The following LELP1 variants were observed in gnomAD, a reference collection of about 807,000 sequenced individuals.
LELP1 encodes late cornified envelope like proline rich 1, also known as late cornified envelope-like proline-rich protein 1.
A neutral mutation model predicts 0.3 loss-of-function variants in LELP1; 1 was observed. The observed-to-expected ratio is 2.87, with a 90% CI of 1.02 to 13.63. The LOEUF (loss-of-function observed/expected upper bound fraction) is 13.63. LELP1 is among the 30% of genes most tolerant of loss of function. The pLI is 0.12. For missense variants in LELP1, 122 were observed against 118.7 expected, an observed-to-expected ratio of 1.03 and a Z score of -0.13; for synonymous variants, 57 against 45.9, an observed-to-expected ratio of 1.24 and a Z score of -0.97.
In LELP1 at chr1:153,204,940, G is replaced by T; in HGVS notation, c.233G>T (p.Cys78Phe). Reference sequence around the variant, plus strand: ...CCTCCCCAGCCCTGCACCAAGCCCTGTCCTCCTAAATGCCCTTCATCCTGC... The same window carrying T: ...CCTCCCCAGCCCTGCACCAAGCCCTTTCCTCCTAAATGCCCTTCATCCTGC... ...SCPPQPCTKP[C>F]PPKCPSSCPH... The change falls in exon 2 of 2, where the codon TGT (cysteine) becomes TTT (phenylalanine). Residue 78 changes from cysteine to phenylalanine, a missense_variant. Physicochemically the swap from Cys to Phe is radical, Grantham distance 205. Transcript: ENST00000368747. The T allele has an allele frequency of 6.2e-7, 1 of 1,613,924 alleles. No individual in the cohort carries two copies. Among genetic ancestry groups the T allele is most frequent in the South Asian group, 1.1e-5 (1 of 91,064 alleles).
chr1:153,204,694 A>G lies in LELP1; in HGVS notation c.-14A>G. ...TCTCATATTTCTTTGCAGGGCTCAGATAATCAAGAAACAATGTCGAGTGAT... is the reference window on the plus strand; with the variant it reads ...TCTCATATTTCTTTGCAGGGCTCAGGTAATCAAGAAACAATGTCGAGTGAT... On this transcript the variant is annotated 5_prime_UTR_variant, in exon 2 of 2. Transcript: ENST00000368747. 6.2e-7 allele frequency: 1 copy of G among 1,611,222 alleles called. No homozygotes were observed. The highest frequency in any genetic ancestry group is 1.7e-4 in the Middle Eastern group (1 of 6,052).
chr1:153,205,074 G>C lies in LELP1; in HGVS notation c.*70G>C. On this transcript the variant is annotated 3_prime_UTR_variant, in exon 2 of 2. Coordinates refer to ENST00000368747, the MANE Select transcript of LELP1 (RefSeq NM_001010857.3). ...CCATGTACAACGCTGTGGGGCTGGA[G>C]ACTGAAACCATGAACTGACAAGTAA... 8.4e-7 allele frequency: 1 copy of C among 1,194,696 alleles called. No individual in the cohort carries two copies. The highest frequency in any genetic ancestry group is 1.2e-6 in the Non-Finnish European group (1 of 827,918). 74.0% of individuals were successfully genotyped at this position (1,194,696 alleles called of 1,614,324 possible). A position where few individuals can be genotyped will look rare whatever the true frequency, so the allele number is the denominator to read the frequency against.
chr1:153,204,712 C>T lies in LELP1; in HGVS notation c.5C>T (p.Ser2Leu), dbSNP rs763101781. Residue 2 changes from serine (S) to leucine (L), a missense_variant, in exon 2 of 2, where the codon TCG (serine) becomes TTG (leucine). Physicochemically the swap from Ser to Leu is moderately radical, Grantham distance 145. Transcript: ENST00000368747. The stretch of plus-strand genomic sequence containing the variant: ...GGCTCAGATAATCAAGAAACAATGT[C>T]GAGTGATGATAAAAGTAAATCAAAT... M[S>L]SDDKSKSNDP... 1.5e-5 allele frequency: 24 copies of T among 1,612,922 alleles called. No individual in the cohort carries two copies. Among genetic ancestry groups the T allele is most frequent in the South Asian group, 8.8e-5 (8 of 91,044 alleles).
chr1:153,204,611 T>C, intron 1 of LELP1, 76 bp from the exon 2 acceptor site: 2 of 1,077,818 alleles, frequency 1.9e-6, no homozygotes, highest in East Asian at 2.4e-5. Flanking sequence ...GAAGACTTTC[T>C]TAAGTACAAG....
chr1:153,204,936 C>A lies in LELP1; in HGVS notation c.229C>A (p.Pro77Thr), dbSNP rs557520815. 4 of 1,613,832 alleles carry A rather than the reference C, an allele frequency of 2.5e-6. No homozygotes were observed. The highest frequency in any genetic ancestry group is 8.5e-7 in the Non-Finnish European group (1 of 1,179,918). ...CTGCCCTCCCCAGCCCTGCACCAAGCCCTGTCCTCCTAAATGCCCTTCATC... is the reference window on the plus strand; with the variant it reads ...CTGCCCTCCCCAGCCCTGCACCAAGACCTGTCCTCCTAAATGCCCTTCATC... ...SSCPPQPCTK[P>T]CPPKCPSSCP... The change falls in exon 2 of 2, where the codon CCC becomes ACC. Residue 77 changes from proline to threonine, a missense_variant. Coordinates refer to ENST00000368747, the MANE Select transcript of LELP1 (RefSeq NM_001010857.3).
At chr1:153,204,165 A>G (rs557455122) in intron 1 of LELP1, among the ~76,000 whole-genome samples, 1 of 152,268 alleles carries the variant, frequency 6.6e-6, no homozygotes, top group African/African-American at 2.4e-5. Context: ...CTCAAGGTTC[A>G]GGGAACTTAG....
rs766222461 is a variant in LELP1, at chr1:153,204,954, C to G, written c.247C>G (p.Pro83Ala). The change falls in exon 2 of 2, where the codon CCT (proline) becomes GCT (alanine). Residue 83 changes from proline to alanine, a missense_variant. Pro to Ala is a conservative substitution (Grantham distance 27, BLOSUM62 -1). Coordinates refer to ENST00000368747, the MANE Select transcript of LELP1 (RefSeq NM_001010857.3). ...CACCAAGCCCTGTCCTCCTAAATGCCCTTCATCCTGCCCACATGCTTGCCC... is the reference window on the plus strand; with the variant it reads ...CACCAAGCCCTGTCCTCCTAAATGCGCTTCATCCTGCCCACATGCTTGCCC... Reference protein sequence around the residue: ...PCTKPCPPKCPSSCPHACPPP... With the variant: ...PCTKPCPPKCASSCPHACPPP... The G allele has an allele frequency of 5.0e-6, 8 of 1,613,904 alleles. No individual in the cohort carries two copies. The East Asian group carries it at 1.1e-4, about 22-fold the overall frequency.
intron 1 of LELP1, among the ~76,000 whole-genome samples, chr1:153,203,826 T>C (rs149304390): frequency 8.2e-4 from 125 of 152,260 alleles, no homozygotes; most frequent in African/African-American, 2.7e-3. Context: ...ACCAATTAGA[T>C]CCAACTTGAA....
In LELP1 at chr1:153,203,454, GA is replaced by G; in HGVS notation, c.-95del. 1 of 152,322 alleles carries G rather than the reference GA, an allele frequency of 6.6e-6. No homozygotes were observed. The highest frequency in any genetic ancestry group is 1.5e-5 in the Non-Finnish European group (1 of 68,126). 9.4% of individuals were successfully genotyped at this position (152,322 alleles called of 1,614,324 possible). ...CAGATCTGGGCAGAGGAACCAAAGGGAAAAGCCACCTTCCCAGGCACAGCCA... is the reference window on the plus strand; with the variant it reads ...CAGATCTGGGCAGAGGAACCAAAGGGAAAGCCACCTTCCCAGGCACAGCCA... On this transcript the variant is annotated 5_prime_UTR_variant, in exon 1 of 2. Transcript: ENST00000368747.
In LELP1 at chr1:153,205,003, G is replaced by A. The variant is rs1657724156; in HGVS notation, c.296G>A (p.Ter99=). ...CCACCTCCCTGCCCTCCCCCAGAGT[G>A]AGGCACTGTGGGCACTACCCAACCC... The part of the protein sequence containing the change: ...ACPPPCPPPE[*] Residue 99 remains the stop codon, a stop_retained_variant, in exon 2 of 2, where the codon TGA becomes TAA. Coordinates refer to ENST00000368747, the MANE Select transcript of LELP1 (RefSeq NM_001010857.3). The A allele has an allele frequency of 5.6e-6, 9 of 1,610,050 alleles. No homozygotes were observed. The highest frequency in any genetic ancestry group is 6.8e-6 in the Non-Finnish European group (8 of 1,177,090).
At position 153,204,860 on chromosome 1, in the gene LELP1, G is replaced by A. The variant is rs1470311566; in HGVS notation, c.153G>A (p.Lys51=). Residue 51 remains lysine, a synonymous_variant, in exon 2 of 2, where the codon AAG becomes AAA. Coordinates refer to ENST00000368747, the MANE Select transcript of LELP1 (RefSeq NM_001010857.3). ...GTTTCGAAAAGTGCCCATGGGAAAA[G>A]TGTCCAGCACCACCCAAGTGCCTGC... ...QRCFEKCPWE[K]CPAPPKCLPC... is the part of the protein sequence containing the mutation. 2 of 1,614,052 alleles carry A rather than the reference G, an allele frequency of 1.2e-6. No homozygotes were observed. The highest frequency in any genetic ancestry group is 1.3e-5 in the African/African-American group (1 of 74,894).
chr1:153,204,664 A>T, intron 1 of LELP1, 23 bp from the exon 2 acceptor site: 1 of 1,555,376 alleles, frequency 6.4e-7, no homozygotes. Flanking sequence ...CCCACCTACA[A>T]TGCATCTCAT....
Position 153,204,952 on chromosome 1 carries a change from GC to G in LELP1, c.248del (p.Pro83LeufsTer46), listed in dbSNP as rs780667556. On this transcript the variant is annotated frameshift_variant, in exon 2 of 2. Transcript: ENST00000368747. LOFTEE classifies it low-confidence loss of function (END_TRUNC). ...TGCACCAAGCCCTGTCCTCCTAAAT[GC>G]CCTTCATCCTGCCCACATGCTTGCC... ...QPCTKPCPPK[C>X]PSSCPHACPP... 3.7e-6 allele frequency: 6 copies of G among 1,613,810 alleles called. No individual in the cohort carries two copies. In the East Asian group the frequency reaches 1.1e-4, roughly 30 times the overall value.
In LELP1 at chr1:153,205,110, C is replaced by A; in HGVS notation, c.*106C>A. 1.1e-6 allele frequency: 1 copy of A among 873,452 alleles called. No homozygotes were observed. The highest frequency in any genetic ancestry group is 1.8e-6 in the Non-Finnish European group (1 of 559,862). 54.1% of individuals were successfully genotyped at this position (873,452 alleles called of 1,614,324 possible). ...TGAACTGACAAGTAAACGTGTTCCTCTGCTGTGCAAGACTTCTCCTGGTGT... is the reference window on the plus strand; with the variant it reads ...TGAACTGACAAGTAAACGTGTTCCTATGCTGTGCAAGACTTCTCCTGGTGT... On this transcript the variant is annotated 3_prime_UTR_variant, in exon 2 of 2. Coordinates refer to ENST00000368747, the MANE Select transcript of LELP1 (RefSeq NM_001010857.3).
At chr1:153,203,633 T>G (rs969654240) in intron 1 of LELP1, 102 bp downstream of exon 1, 1 of 152,142 alleles carries the variant, frequency 6.6e-6, no homozygotes, top group Admixed American at 6.6e-5. Context: ...GGGAAAGTCA[T>G]GTTTGAATGA....
At position 153,204,872 on chromosome 1, in the gene LELP1, A is replaced by C. The variant is rs1342027996; in HGVS notation, c.165A>C (p.Pro55=). The C allele has an allele frequency of 6.2e-7, 1 of 1,613,960 alleles. No homozygotes were observed. The highest frequency in any genetic ancestry group is 8.5e-7 in the Non-Finnish European group (1 of 1,180,002). Reference sequence around the variant, plus strand: ...GCCCATGGGAAAAGTGTCCAGCACCACCCAAGTGCCTGCCCTGCCCCTCGC... The same window carrying C: ...GCCCATGGGAAAAGTGTCCAGCACCCCCCAAGTGCCTGCCCTGCCCCTCGC... ...EKCPWEKCPA[P]PKCLPCPSQS... Residue 55 remains proline (P), a synonymous_variant, in exon 2 of 2, where the codon CCA becomes CCC. Transcript: ENST00000368747.
rs1657726381 is a variant in LELP1 at position 153,205,076 on chromosome 1, C to T, written c.*72C>T. On this transcript the variant is annotated 3_prime_UTR_variant, in exon 2 of 2. Coordinates refer to ENST00000368747, the MANE Select transcript of LELP1 (RefSeq NM_001010857.3). ...ATGTACAACGCTGTGGGGCTGGAGACTGAAACCATGAACTGACAAGTAAAC... is the reference window on the plus strand; with the variant it reads ...ATGTACAACGCTGTGGGGCTGGAGATTGAAACCATGAACTGACAAGTAAAC... 1.7e-6 allele frequency: 2 copies of T among 1,174,738 alleles called. No individual in the cohort carries two copies. The highest frequency in any genetic ancestry group is 1.2e-6 in the Non-Finnish European group (1 of 811,536). 72.8% of individuals were successfully genotyped at this position (1,174,738 alleles called of 1,614,324 possible). A position where few individuals can be genotyped will look rare whatever the true frequency, so the allele number is the denominator to read the frequency against.
chr1:153,205,007 C>CACTGTGGGCACT lies in LELP1; in HGVS notation c.*6_*17dup, dbSNP rs1451745669. On this transcript the variant is annotated 3_prime_UTR_variant, in exon 2 of 2. Coordinates refer to ENST00000368747, the MANE Select transcript of LELP1 (RefSeq NM_001010857.3). The stretch of plus-strand genomic sequence containing the variant: ...CTCCCTGCCCTCCCCCAGAGTGAGG[C>CACTGTGGGCACT]ACTGTGGGCACTACCCAACCCCACC... 3 of 1,607,122 alleles carry CACTGTGGGCACT rather than the reference C, an allele frequency of 1.9e-6. No homozygotes were observed. The African/African-American group carries it at 4.0e-5, about 22-fold the overall frequency.
chr1:153,204,727 G>A lies in LELP1; in HGVS notation c.20G>A (p.Ser7Asn), dbSNP rs1354194229. The A allele has an allele frequency of 1.9e-6, 3 of 1,613,922 alleles. No individual in the cohort carries two copies. The highest frequency in any genetic ancestry group is 1.1e-5 in the South Asian group (1 of 91,074). Reference sequence around the variant, plus strand: ...GAAACAATGTCGAGTGATGATAAAAGTAAATCAAATGACCCCAAGACTGAG... The same window carrying A: ...GAAACAATGTCGAGTGATGATAAAAATAAATCAAATGACCCCAAGACTGAG... MSSDDK[S>N]KSNDPKTEPK... Residue 7 changes from serine to asparagine, a missense_variant, in exon 2 of 2, where the codon AGT (serine) becomes AAT (asparagine). Transcript: ENST00000368747.
Sources: gnomAD v4.1 joint callset for allele counts (sites outside exome capture counted in the v4.1 genomes callset) on GRCh38, gnomAD v4.1.1 for gene constraint, MANE v1.5 for transcripts, NCBI Gene and HGNC (gene_info 2026-07-23, HGNC 2026-07-21) for gene names.